Variants in GLB1L2 observed in about 807,000 individuals in gnomAD.
GLB1L2 encodes the protein beta-galactosidase-1-like protein 2.
A neutral mutation model predicts 84.1 loss-of-function variants in GLB1L2; 68 were observed. The ratio of observed to expected loss-of-function variants is 0.81; its 90% CI spans 0.67 to 0.99. GLB1L2 has a LOEUF of 0.99. GLB1L2 is among the 50% of genes least tolerant of loss of function. The pLI, the probability that GLB1L2 is intolerant of heterozygous loss-of-function variation, is 0.00. For missense variants in GLB1L2, 762 were observed against 805.6 expected (o/e 0.95, Z 0.66); for synonymous variants, 290 against 318.0 (o/e 0.91, Z 0.94).
intron 8 of GLB1L2, among the ~76,000 whole-genome samples, chr11:134,365,326 C>A (rs4936230): frequency 1.3e-3 from 195 of 152,186 alleles, no homozygotes; most frequent in African/African-American, 4.6e-3. Context: ...GCTCCTGTGA[C>A]GCAGATCAGG....
In GLB1L2 at chr11:134,332,167, A is replaced by G; in HGVS notation, c.86+20A>G. 1.3e-6 allele frequency: 2 copies of G among 1,499,028 alleles called. No homozygotes were observed. Among genetic ancestry groups the G allele is most frequent in the Non-Finnish European group, 1.8e-6 (2 of 1,111,118 alleles). 92.9% of individuals were successfully genotyped at this position (1,499,028 alleles called of 1,614,324 possible). On this transcript the variant is annotated intron_variant, in intron 1 of 18. Transcript: ENST00000535456. ...CCGCAGGTGAGAGAGAGCTTCGCGC[A>G]GCACCTGCCGGACCCCACATTCCCC...
At chr11:134,374,895 C>A (rs1337487460) in intron 18 of GLB1L2, 77 bp from the exon 19 acceptor site, 1 of 1,414,738 alleles carries the variant, frequency 7.1e-7, no homozygotes, top group Non-Finnish European at 9.9e-7. Context: ...TTCCTTCTGA[C>A]CCTGCCACCT....
chr11:134,372,923 G>T (rs1034540479), intron 15 of GLB1L2, among the ~76,000 whole-genome samples: 2 of 152,212 alleles, frequency 1.3e-5, no homozygotes, highest in East Asian at 3.8e-4. Context: ...CTGGGAGTTG[G>T]AAGGAGCACC....
At chr11:134,351,348 T>TC (rs201766742) in intron 5 of GLB1L2, among the ~76,000 whole-genome samples, 62 of 142,248 alleles carry the variant, frequency 4.4e-4, no homozygotes, top group African/African-American at 6.4e-4. Flanking sequence ...TTTCTTTCTT[T>TC]TTTTTTTTTT....
At chr11:134,364,440 C>T (rs374456329) in intron 8 of GLB1L2, 42 bp downstream of exon 8, 46 of 1,493,636 alleles carry the variant, frequency 3.1e-5, no homozygotes, top group African/African-American at 1.2e-4. Flanking sequence ...CCCTGCTCAG[C>T]GGCCTATGGG....
At chr11:134,351,881 A>G (rs555602107) in intron 5 of GLB1L2, among the ~76,000 whole-genome samples, 1 of 152,310 alleles carries the variant, frequency 6.6e-6, no homozygotes, top group East Asian at 1.9e-4. Flanking sequence ...TATATCCAGC[A>G]AAACTCAAAA....
chr11:134,336,765 T>A lies in GLB1L2; in HGVS notation c.86+4618T>A, dbSNP rs1026659695. ...TCCTATGTGGTGGATTAAAAAAAAA[T>A]TTAACATAATAATGTTTTTCCGTAT... On this transcript the variant is annotated intron_variant, in intron 1 of 18. Transcript: ENST00000535456. Among the ~76,000 whole-genome samples the A allele has an allele frequency of 6.6e-5, 10 of 152,168 alleles. No homozygotes were observed. In the Middle Eastern group the frequency reaches 0.01, roughly 157 times the overall value.
At position 134,343,024 on chromosome 11, in the gene GLB1L2, T is replaced by C. The variant is rs1943491969; in HGVS notation, c.284+73T>C. The C allele has an allele frequency of 4.7e-6, 7 of 1,486,696 alleles. No individual in the cohort carries two copies. In the South Asian group the frequency reaches 9.1e-5, roughly 19 times the overall value. 92.1% of individuals were successfully genotyped at this position (1,486,696 alleles called of 1,614,324 possible). On this transcript the variant is annotated intron_variant, in intron 2 of 18. Transcript: ENST00000535456. ...CCTGGTGTCTGCATGCGAAAAAATA[T>C]AAGAGGAACCGGCCCAGGTCCTCTG...
chr11:134,361,786 G>C (rs1485222449), intron 7 of GLB1L2, among the ~76,000 whole-genome samples: 1 of 152,088 alleles, frequency 6.6e-6, no homozygotes, highest in Non-Finnish European at 1.5e-5. Flanking sequence ...ATCCCGCGTG[G>C]AATCCTGCTT....
At position 134,371,607 on chromosome 11, in the gene GLB1L2, G is replaced by A; in HGVS notation, c.1428+115G>A. ...GTGGCTCCTTACCCACAAGCTGTAG[G>A]TGGAGAGGGCGAGTGTGGCTTTCTG... On this transcript the variant is annotated intron_variant, in intron 14 of 18. Coordinates refer to ENST00000535456, the MANE Select transcript of GLB1L2 (RefSeq NM_001370461.1). The A allele has an allele frequency of 2.9e-6, 3 of 1,019,136 alleles. No homozygotes were observed. The South Asian group carries it at 4.0e-5, about 14-fold the overall frequency. The allele number at this position is 1,019,136 out of a possible 1,614,324, so 63.1% of individuals were successfully genotyped here. A position where few individuals can be genotyped will look rare whatever the true frequency, so the allele number is the denominator to read the frequency against.
intron 7 of GLB1L2, chr11:134,361,455 C>G (rs1212169022): frequency 6.6e-6 from 1 of 152,334 alleles, no homozygotes; most frequent in Non-Finnish European, 1.5e-5. Flanking sequence ...CGGTTCACTG[C>G]AGGCACCTGC....
intron 1 of GLB1L2, among the ~76,000 whole-genome samples, chr11:134,337,032 A>C (rs749352373): frequency 1.3e-5 from 2 of 152,148 alleles, no homozygotes; most frequent in African/African-American, 2.4e-5. Context: ...GGTTTTTGTT[A>C]CTTTACTATT....
rs1034331034 is a variant in GLB1L2 at position 134,335,123 on chromosome 11, T to C, written c.86+2976T>C. On this transcript the variant is annotated intron_variant, in intron 1 of 18. Transcript: ENST00000535456. ...CGTCTCACACACTGCCCTGCCCTGCTGTTTTCTTTATTCCAGACCCCAAAT... is the reference window on the plus strand; with the variant it reads ...CGTCTCACACACTGCCCTGCCCTGCCGTTTTCTTTATTCCAGACCCCAAAT... Among the ~76,000 whole-genome samples the C allele has an allele frequency of 3.3e-5, 5 of 152,184 alleles. 1 individual carries two copies. Among genetic ancestry groups the C allele is most frequent in the Non-Finnish European group, 7.4e-5 (5 of 68,024 alleles).
rs772892677 is a variant in GLB1L2 at position 134,342,904 on chromosome 11, G to A, written c.237G>A (p.Arg79=). Reference sequence around the variant, plus strand: ...TCCGTGTGCCCAGGGAGTACTGGAGGGACCGCCTGCTGAAGATGAAGGCCT... The same window carrying A: ...TCCGTGTGCCCAGGGAGTACTGGAGAGACCGCCTGCTGAAGATGAAGGCCT... ...HYFRVPREYW[R]DRLLKMKACG... Residue 79 remains arginine, a synonymous_variant, in exon 2 of 19, where the codon AGG becomes AGA. Transcript: ENST00000535456. 1.2e-6 allele frequency: 2 copies of A among 1,613,912 alleles called. No individual in the cohort carries two copies. The highest frequency in any genetic ancestry group is 3.3e-5 in the Admixed American group (2 of 60,014).
At chr11:134,362,247 G>A (rs1943803240) in intron 7 of GLB1L2, among the ~76,000 whole-genome samples, 1 of 152,000 alleles carries the variant, frequency 6.6e-6, no homozygotes, top group African/African-American at 2.4e-5. Flanking sequence ...GCATACTTTA[G>A]AAATGGATAC....
At chr11:134,342,984 T>G in intron 2 of GLB1L2, 33 bp downstream of exon 2, 2 of 1,582,538 alleles carry the variant, frequency 1.3e-6, no homozygotes, top group Non-Finnish European at 1.7e-6. Flanking sequence ...CGGAGCCTGG[T>G]TCCTAAGCAG....
chr11:134,358,178 A>G (rs1247076821), intron 6 of GLB1L2, among the ~76,000 whole-genome samples: 1 of 152,222 alleles, frequency 6.6e-6, no homozygotes, highest in Non-Finnish European at 1.5e-5. Flanking sequence ...GTCTTGGCAT[A>G]ATATCTGCAG....
Position 134,376,105 on chromosome 11 carries a change from GC to G in GLB1L2, c.*1048del, listed in dbSNP as rs1944019301. 6.7e-6 allele frequency: 1 copy of G among 149,824 alleles called. No individual in the cohort carries two copies. Among genetic ancestry groups the G allele is most frequent in the Non-Finnish European group, 1.5e-5 (1 of 67,372 alleles). 9.3% of individuals were successfully genotyped at this position (149,824 alleles called of 1,614,324 possible). ...AGGCCCAGCTCACATGTGAGTCCTG[GC>G]AGAAGCCATGGCCCATGTCTGCACA... On this transcript the variant is annotated 3_prime_UTR_variant, in exon 19 of 19. Coordinates refer to ENST00000535456, the MANE Select transcript of GLB1L2 (RefSeq NM_001370461.1).
chr11:134,336,426 T>G (rs543675365), intron 1 of GLB1L2, among the ~76,000 whole-genome samples: 1 of 152,362 alleles, frequency 6.6e-6, no homozygotes, highest in African/African-American at 2.4e-5. Context: ...AGAAGATAGC[T>G]ACACATATTA....
Sources: allele counts gnomAD v4.1 joint callset (sites outside exome capture counted in the v4.1 genomes callset), GRCh38; gene constraint gnomAD v4.1.1; transcripts MANE v1.5; gene names NCBI Gene and HGNC (gene_info 2026-07-23, HGNC 2026-07-21).